Variants in PLGRKT observed in about 807,000 individuals in gnomAD.
PLGRKT encodes plasminogen receptor with a C-terminal lysine, also known as plasminogen receptor (KT).
PLGRKT carries 22 observed loss-of-function variants against 18.5 expected under a neutral mutation model. The ratio of observed to expected loss-of-function variants is 1.19; its 90% CI spans 0.85 to 1.70. The LOEUF is 1.70. Ranked by LOEUF, PLGRKT falls within the 40% of genes most tolerant of loss-of-function variation. The probability of loss-of-function intolerance (pLI) is 0.00; values close to 1 mark genes in which losing one functional copy is unlikely to be tolerated. For synonymous variants in PLGRKT, 72 were observed against 52.8 expected, an observed-to-expected ratio of 1.36 and a Z score of -1.58; for missense variants, 235 against 174.4, an observed-to-expected ratio of 1.35 and a Z score of -1.96.
chr9:5,404,812 C>G (rs1818224621), intron 3 of PLGRKT, among the ~76,000 whole-genome samples: 1 of 152,116 alleles, frequency 6.6e-6, no homozygotes, highest in Non-Finnish European at 1.5e-5. Context: ...AAAGTGTATT[C>G]AAATAGGAAG....
rs571257844 is a variant in PLGRKT at position 5,429,285 on chromosome 9, G to A, written c.81+2612C>T. ...AATAGAAACATAGAAGCCCAGGGAG[G>A]AAAAGAAAATCACTATGAAGCTCCA... On this transcript the variant is annotated intron_variant, in intron 3 of 5. Transcript: ENST00000223864. 3.0e-3 allele frequency among the ~76,000 whole-genome samples: 452 copies of A among 152,236 alleles called. 3 individuals carry two copies. The highest frequency in any genetic ancestry group is 0.01 in the African/African-American group (426 of 41,550).
chr9:5,378,304 C>T (rs923989709), intron 3 of PLGRKT, among the ~76,000 whole-genome samples: 11 of 152,202 alleles, frequency 7.2e-5, no homozygotes, highest in Non-Finnish European at 1.6e-4. Flanking sequence ...CTTCCCTATT[C>T]CCAGATGTAT....
At chr9:5,410,374 T>C (rs2131142272) in intron 3 of PLGRKT, among the ~76,000 whole-genome samples, 1 of 150,272 alleles carries the variant, frequency 6.7e-6, no homozygotes, top group East Asian at 2.0e-4. Flanking sequence ...CCATCTATAC[T>C]AAAAAAAAGT....
At chr9:5,427,621 T>C (rs1818728273) in intron 3 of PLGRKT, among the ~76,000 whole-genome samples, 1 of 152,224 alleles carries the variant, frequency 6.6e-6, no homozygotes, top group African/African-American at 2.4e-5. Flanking sequence ...ATAGTATACA[T>C]AGGCTTCAGT....
At chr9:5,358,461 G>A (rs1817187534) in intron 5 of PLGRKT, 101 bp from the exon 6 acceptor site, 4 of 948,232 alleles carry the variant, frequency 4.2e-6, no homozygotes, top group Non-Finnish European at 6.5e-6. Context: ...AACACCGTAT[G>A]AGCCATGTCC....
At chr9:5,429,775 G>A (rs1003397307) in intron 3 of PLGRKT, among the ~76,000 whole-genome samples, 4 of 152,182 alleles carry the variant, frequency 2.6e-5, no homozygotes, top group African/African-American at 9.7e-5. Flanking sequence ...TGAATTTGGA[G>A]ACAGGAGACA....
chr9:5,428,581 G>T (rs560986592), intron 3 of PLGRKT, among the ~76,000 whole-genome samples: 8 of 152,306 alleles, frequency 5.3e-5, no homozygotes, highest in African/African-American at 1.9e-4. Context: ...AGGAGCCAAA[G>T]GACAAAAAGC....
chr9:5,360,002 G>C (rs1045170481), intron 5 of PLGRKT, among the ~76,000 whole-genome samples: 1 of 152,200 alleles, frequency 6.6e-6, no homozygotes, highest in East Asian at 1.9e-4. Flanking sequence ...TGGAATGCTT[G>C]AATCTGTAGC....
intron 3 of PLGRKT, among the ~76,000 whole-genome samples, chr9:5,378,666 T>C (rs1817678929): frequency 6.6e-6 from 1 of 152,114 alleles, no homozygotes; most frequent in Non-Finnish European, 1.5e-5. Flanking sequence ...AAGGCATATA[T>C]AATTAATGAA....
At position 5,418,575 on chromosome 9, in the gene PLGRKT, G is replaced by A; in HGVS notation, c.81+13322C>T. The A allele has an allele frequency of 1.3e-6, 1 of 773,548 alleles. No individual in the cohort carries two copies. Among genetic ancestry groups the A allele is most frequent in the Admixed American group, 1.8e-5 (1 of 56,478 alleles). The allele number at this position is 773,548 out of a possible 1,614,324, so 47.9% of individuals were successfully genotyped here. On this transcript the variant is annotated intron_variant, in intron 3 of 5. Transcript: ENST00000223864. The surrounding 1 kb of genome is among the most constrained non-coding windows in gnomAD (Gnocchi z 4.2). ...CTTGCAGAGGCTGCTGTCCAGCAGG[G>A]ATGGTCACCACAGTGACGGACTTCT...
At chr9:5,424,479 AAATAT>A (rs982605894) in intron 3 of PLGRKT, among the ~76,000 whole-genome samples, 3 of 128,612 alleles carry the variant, frequency 2.3e-5, no homozygotes, top group Non-Finnish European at 4.7e-5. Context: ...ACATATTATA[AAATAT>A]AATATATATT....
chr9:5,422,689 A>G (rs1017449775), intron 3 of PLGRKT, among the ~76,000 whole-genome samples: 1 of 152,232 alleles, frequency 6.6e-6, no homozygotes, highest in African/African-American at 2.4e-5. Flanking sequence ...TTAGCTAAAT[A>G]TGGTTATATC....
At chr9:5,365,613 G>C (rs945320602) in intron 3 of PLGRKT, among the ~76,000 whole-genome samples, 2 of 152,112 alleles carry the variant, frequency 1.3e-5, no homozygotes, top group African/African-American at 4.8e-5. Flanking sequence ...TGGCATCCTG[G>C]GTGAGATTCT....
intron 3 of PLGRKT, among the ~76,000 whole-genome samples, chr9:5,429,270 T>C (rs143280679): frequency 1.0e-3 from 155 of 152,174 alleles, no homozygotes; most frequent in African/African-American, 3.6e-3. Context: ...AATAGAAACA[T>C]AGAAGCCCAG....
chr9:5,428,749 G>A (rs976828020), intron 3 of PLGRKT, among the ~76,000 whole-genome samples: 4 of 152,208 alleles, frequency 2.6e-5, no homozygotes, highest in Non-Finnish European at 2.9e-5. Context: ...CCAGGCTGGA[G>A]TACAGTGGTA....
intron 3 of PLGRKT, among the ~76,000 whole-genome samples, chr9:5,382,291 T>C (rs976402613): frequency 2.6e-5 from 4 of 152,122 alleles, no homozygotes; most frequent in African/African-American, 9.7e-5. Flanking sequence ...TCATCACAGT[T>C]ATGACAGGCA....
At position 5,401,837 on chromosome 9, in the gene PLGRKT, G is replaced by A. The variant is rs191172530; in HGVS notation, c.81+30060C>T. ...ATTTTATTTTTTCCTTCCCAAAGGC[G>A]GTGTCAAGGGGACATCAATTCTATT... On this transcript the variant is annotated intron_variant, in intron 3 of 5. Transcript: ENST00000223864. Among the ~76,000 whole-genome samples, 101 of 151,974 alleles carry A rather than the reference G, an allele frequency of 6.6e-4. 2 individuals are homozygous for A. The highest frequency in any genetic ancestry group is 2.1e-3 in the African/African-American group (86 of 41,292).
chr9:5,393,473 C>T (rs1045334609), intron 3 of PLGRKT, among the ~76,000 whole-genome samples: 1 of 151,950 alleles, frequency 6.6e-6, no homozygotes, highest in South Asian at 2.1e-4. Flanking sequence ...ACAGTAATTT[C>T]TTGTTACTAT....
intron 3 of PLGRKT, among the ~76,000 whole-genome samples, chr9:5,378,438 C>T (rs1817673253): frequency 6.6e-6 from 1 of 152,132 alleles, no homozygotes; most frequent in Non-Finnish European, 1.5e-5. Context: ...ATGAATGAAT[C>T]TCATAATCCT....
Sources: gnomAD v4.1 joint callset for allele counts (sites outside exome capture counted in the v4.1 genomes callset) on GRCh38, gnomAD v4.1.1 for gene constraint, Gnocchi (gnomAD v3.1) non-coding constraint, MANE v1.5 for transcripts, NCBI Gene and HGNC (gene_info 2026-07-23, HGNC 2026-07-21) for gene names.